Variants in CHST11 observed in about 807,000 individuals in gnomAD.
CHST11 encodes the protein C4S-1.
A neutral mutation model predicts 30.4 loss-of-function variants in CHST11; 9 were observed. The ratio of observed to expected loss-of-function variants is 0.30; its 90% CI spans 0.18 to 0.52. The LOEUF is 0.52. Ranked by LOEUF, CHST11 falls within the 20% of genes least tolerant of loss-of-function variation. The pLI, the probability that CHST11 is intolerant of heterozygous loss-of-function variation, is 0.97. For synonymous variants in CHST11, 152 were observed against 187.8 expected (o/e 0.81, Z 1.56); for missense variants, 348 against 460.6 (o/e 0.76, Z 2.24).
chr12:104,706,779 G>C lies in CHST11; in HGVS notation c.205-50170G>C, dbSNP rs533466762. 9.9e-5 allele frequency among the ~76,000 whole-genome samples: 15 copies of C among 152,254 alleles called. No individual in the cohort carries two copies. The South Asian group carries it at 2.1e-3, about 21-fold the overall frequency. ...CCCTCCACAAACTCAGCTATCTTCT[G>C]TCAGACTAATGTTATATTTTAATGT... On this transcript the variant is annotated intron_variant, in intron 2 of 2. Transcript: ENST00000303694.
intron 1 of CHST11, among the ~76,000 whole-genome samples, chr12:104,492,861 G>C (rs1017601836): frequency 6.6e-6 from 1 of 152,058 alleles, no homozygotes; most frequent in African/African-American, 2.4e-5. Context: ...GTGAAACCCC[G>C]TCTCTACTAA....
intron 1 of CHST11, among the ~76,000 whole-genome samples, chr12:104,542,405 A>C (rs2706273): frequency 0.55 from 83,301 of 151,640 alleles, 23,986 homozygotes; most frequent in East Asian, 0.97. Flanking sequence ...TAAACATACA[A>C]TGGACAGCTA....
intron 1 of CHST11, among the ~76,000 whole-genome samples, chr12:104,540,909 TGC>T (rs2038279501): frequency 6.6e-6 from 1 of 152,166 alleles, no homozygotes; most frequent in African/African-American, 2.4e-5. Context: ...TCTAAGATTT[TGC>T]TTCTTGAGTT....
chr12:104,700,306 TA>T (rs1566043881), intron 2 of CHST11, among the ~76,000 whole-genome samples: 1 of 152,038 alleles, frequency 6.6e-6, no homozygotes, highest in African/African-American at 2.4e-5. Flanking sequence ...CTACCAAAAA[TA>T]AAAAAGAAAA....
intron 1 of CHST11, among the ~76,000 whole-genome samples, chr12:104,484,788 A>G (rs911555430): frequency 6.6e-6 from 1 of 152,226 alleles, no homozygotes; most frequent in African/African-American, 2.4e-5. Context: ...AAGGAAACCT[A>G]ATGAATGTTG....
intron 1 of CHST11, among the ~76,000 whole-genome samples, chr12:104,489,011 C>G (rs1271376327): frequency 1.3e-5 from 2 of 152,052 alleles, no homozygotes; most frequent in Non-Finnish European, 2.9e-5. Flanking sequence ...ATGTCTCTTT[C>G]TGTGTCCTAA....
rs143627702 is a variant in CHST11, at chr12:104,687,776, G to GCC, written c.205-69166_205-69165dup. On this transcript the variant is annotated intron_variant, in intron 2 of 2. Transcript: ENST00000303694. ...GATCCTGTTTCAAACAGCGGCCCCC[G>GCC]CCCCCCCCAAAATTTTTTTTTCCCT... 3.3e-5 allele frequency among the ~76,000 whole-genome samples: 5 copies of GCC among 151,302 alleles called. No individual in the cohort carries two copies. In the East Asian group the frequency reaches 7.8e-4, roughly 23 times the overall value.
intron 1 of CHST11, among the ~76,000 whole-genome samples, chr12:104,519,834 G>A (rs2038059017): frequency 6.6e-6 from 1 of 152,202 alleles, no homozygotes; most frequent in Non-Finnish European, 1.5e-5. Flanking sequence ...CCTGTGCTGT[G>A]GCAGGACCAG....
chr12:104,572,925 TC>T (rs1445923196), intron 1 of CHST11, among the ~76,000 whole-genome samples: 58 of 152,304 alleles, frequency 3.8e-4, no homozygotes, highest in African/African-American at 1.3e-3. Flanking sequence ...AGTCAAATTG[TC>T]CCTGTTTGCA....
intron 1 of CHST11, among the ~76,000 whole-genome samples, chr12:104,539,131 CCTCTACCCACAAGCAG>C (rs2038265062): frequency 6.6e-6 from 1 of 152,138 alleles, no homozygotes; most frequent in African/African-American, 2.4e-5. Flanking sequence ...ACCGTTCTTC[CCTCTACCCACAAGCAG>C]CTTGATAACG....
At chr12:104,484,786 C>A (rs2037660525) in intron 1 of CHST11, among the ~76,000 whole-genome samples, 1 of 152,140 alleles carries the variant, frequency 6.6e-6, no homozygotes, top group South Asian at 2.1e-4. Flanking sequence ...GCAAGGAAAC[C>A]TAATGAATGT....
At chr12:104,579,080 C>T (rs1484461572) in intron 1 of CHST11, among the ~76,000 whole-genome samples, 1 of 152,136 alleles carries the variant, frequency 6.6e-6, no homozygotes, top group East Asian at 1.9e-4. Context: ...GGTTACATGC[C>T]CCTGTTTCCT....
intron 1 of CHST11, among the ~76,000 whole-genome samples, chr12:104,506,801 A>G (rs891142771): frequency 7.9e-5 from 12 of 152,198 alleles, no homozygotes; most frequent in Non-Finnish European, 1.5e-4. Flanking sequence ...TTTCTTTGCC[A>G]AGCCATCATT....
chr12:104,608,964 A>T (rs1258591308), intron 2 of CHST11, among the ~76,000 whole-genome samples: 1 of 152,216 alleles, frequency 6.6e-6, no homozygotes. Flanking sequence ...GCCAGTAAGA[A>T]GGAAAACTCA....
chr12:104,536,483 GTAAA>G (rs2135998260), intron 1 of CHST11, among the ~76,000 whole-genome samples: 1 of 152,322 alleles, frequency 6.6e-6, no homozygotes, highest in East Asian at 1.9e-4. Context: ...ATGTACTTGT[GTAAA>G]TTTTGCATGC....
intron 1 of CHST11, among the ~76,000 whole-genome samples, chr12:104,466,999 A>G (rs2037466270): frequency 6.6e-6 from 1 of 152,176 alleles, no homozygotes; most frequent in African/African-American, 2.4e-5. Flanking sequence ...GATTGTGACA[A>G]TTATCTTCAA....
intron 2 of CHST11, among the ~76,000 whole-genome samples, chr12:104,629,345 A>G (rs774371101): frequency 2.0e-5 from 3 of 152,212 alleles, no homozygotes; most frequent in Admixed American, 6.5e-5. Flanking sequence ...CTTGAAGCTC[A>G]CATGGTTGTT....
intron 1 of CHST11, among the ~76,000 whole-genome samples, chr12:104,461,535 G>A (rs1231489443): frequency 2.0e-5 from 3 of 152,212 alleles, no homozygotes; most frequent in African/African-American, 7.2e-5. Context: ...CACAGAGTGT[G>A]TAAAGGCAGC....
intron 2 of CHST11, among the ~76,000 whole-genome samples, chr12:104,627,256 G>A (rs945376184): frequency 9.9e-5 from 15 of 152,222 alleles, no homozygotes; most frequent in Admixed American, 5.9e-4. Flanking sequence ...GGACATCTTG[G>A]TTGCTTCCAA....
Sources: gnomAD v4.1 joint callset for allele counts (sites outside exome capture counted in the v4.1 genomes callset) on GRCh38, gnomAD v4.1.1 for gene constraint, MANE v1.5 for transcripts, NCBI Gene and HGNC (gene_info 2026-07-23, HGNC 2026-07-21) for gene names.